The following ZSWIM5 variants were observed in gnomAD, a reference collection of about 807,000 sequenced individuals.
ZSWIM5 encodes zinc finger SWIM-type containing 5.
ZSWIM5 carries 55 observed loss-of-function variants against 119.6 expected under a neutral mutation model. The observed-to-expected ratio is 0.46, with a 90% confidence interval of 0.37 to 0.58. The LOEUF (loss-of-function observed/expected upper bound fraction) is 0.58. ZSWIM5 is among the 20% of genes least tolerant of loss of function. ZSWIM5 has a pLI of 0.00. For missense variants in ZSWIM5, 1,193 were observed against 1,512.8 expected (o/e 0.79, Z 3.51); for synonymous variants, 537 against 606.9 (o/e 0.88, Z 1.69).
At chr1:45,153,093 T>TAAAAAA (rs76324771) in intron 1 of ZSWIM5, among the ~76,000 whole-genome samples, 11 of 105,838 alleles carry the variant, frequency 1.0e-4, no homozygotes, top group Non-Finnish European at 1.4e-4. Flanking sequence ...ATTAAAAAGT[T>TAAAAAA]AAAAAAAAAA....
intron 1 of ZSWIM5, among the ~76,000 whole-genome samples, chr1:45,121,051 G>A (rs950000543): frequency 1.3e-5 from 2 of 151,934 alleles, no homozygotes; most frequent in African/African-American, 2.4e-5. Context: ...CCGGGTTCAC[G>A]CCATTCTCCT....
chr1:45,082,957 T>C (rs1256301139), intron 2 of ZSWIM5, among the ~76,000 whole-genome samples: 1 of 152,094 alleles, frequency 6.6e-6, no homozygotes, highest in Non-Finnish European at 1.5e-5. Context: ...GGGGAAAAGA[T>C]AGTGGGAATG....
chr1:45,056,358 C>T (rs1048007393), intron 4 of ZSWIM5, among the ~76,000 whole-genome samples: 6 of 151,858 alleles, frequency 4.0e-5, no homozygotes, highest in African/African-American at 1.2e-4. Flanking sequence ...TTTGGGAGGC[C>T]GAGGTGGGTG....
chr1:45,034,348 A>G lies in ZSWIM5; in HGVS notation c.2413T>C (p.Cys805Arg), dbSNP rs1465088451. 6.2e-7 allele frequency: 1 copy of G among 1,613,330 alleles called. No homozygotes were observed. ...FTLGHLESQQ[C>R]ELASTMLTAA... ...GTCAGCATGGTGGAGGCCAGTTCAC[A>G]CTGCTGTGATTCCAAGTGTCCAAGC... Residue 805 changes from cysteine (C) to arginine (R), a missense_variant, in exon 11 of 14, where the codon TGT (cysteine) becomes CGT (arginine). By Grantham distance (180) the Cys-to-Arg change is radical (BLOSUM62 -3). Transcript: ENST00000359600.
At chr1:45,054,135 G>A (rs1279873417) in intron 4 of ZSWIM5, among the ~76,000 whole-genome samples, 2 of 151,992 alleles carry the variant, frequency 1.3e-5, no homozygotes, top group Non-Finnish European at 2.9e-5. Context: ...AGAATTGGCT[G>A]AGTGTGATAG....
At chr1:45,076,804 C>T (rs1052535135) in intron 2 of ZSWIM5, among the ~76,000 whole-genome samples, 2 of 151,650 alleles carry the variant, frequency 1.3e-5, no homozygotes, top group South Asian at 2.1e-4. Context: ...TTCTTTTTTT[C>T]GTCTCCTCTG....
At chr1:45,153,284 G>T (rs995617005) in intron 1 of ZSWIM5, among the ~76,000 whole-genome samples, 1 of 151,792 alleles carries the variant, frequency 6.6e-6, no homozygotes, top group African/African-American at 2.4e-5. Context: ...CACTTTGGGA[G>T]GCCGAGGTGG....
intron 1 of ZSWIM5, among the ~76,000 whole-genome samples, chr1:45,090,678 G>A (rs976247950): frequency 6.6e-6 from 1 of 152,070 alleles, no homozygotes; most frequent in African/African-American, 2.4e-5. Flanking sequence ...AAATAAGCAA[G>A]CTGGGTGTGG....
At chr1:45,034,277 G>C in intron 11 of ZSWIM5, 35 bp downstream of exon 11, 1 of 1,541,406 alleles carries the variant, frequency 6.5e-7, no homozygotes, top group Non-Finnish European at 8.7e-7. Context: ...CAGGCAGACG[G>C]GTGATGCTGG....
At chr1:45,119,843 C>T (rs1645580917) in intron 1 of ZSWIM5, among the ~76,000 whole-genome samples, 1 of 152,338 alleles carries the variant, frequency 6.6e-6, no homozygotes, top group East Asian at 1.9e-4. Flanking sequence ...TCTCATCTTA[C>T]ACCTCCCAGA....
chr1:45,166,455 G>C (rs1645904155), intron 1 of ZSWIM5, among the ~76,000 whole-genome samples: 1 of 152,058 alleles, frequency 6.6e-6, no homozygotes, highest in South Asian at 2.1e-4. Context: ...CATAGTGTTG[G>C]AAGTTCTGGC....
chr1:45,148,225 A>G (rs1645774764), intron 1 of ZSWIM5, among the ~76,000 whole-genome samples: 1 of 152,208 alleles, frequency 6.6e-6, no homozygotes, highest in African/African-American at 2.4e-5. Context: ...GCACAAACCC[A>G]TAAAGCCATC....
intron 1 of ZSWIM5, among the ~76,000 whole-genome samples, chr1:45,167,674 T>C (rs552107303): frequency 6.6e-6 from 1 of 151,960 alleles, no homozygotes; most frequent in Non-Finnish European, 1.5e-5. Flanking sequence ...GGATATGAAC[T>C]GACACTTCTC....
chr1:45,034,696 C>T (rs899677153), intron 10 of ZSWIM5, among the ~76,000 whole-genome samples: 5 of 151,988 alleles, frequency 3.3e-5, no homozygotes, highest in Admixed American at 6.6e-5. Flanking sequence ...TGTGAAAGGC[C>T]GTTCAAGAGC....
chr1:45,103,713 G>A (rs1645453665), intron 1 of ZSWIM5, among the ~76,000 whole-genome samples: 1 of 152,186 alleles, frequency 6.6e-6, no homozygotes, highest in East Asian at 1.9e-4. Context: ...GAATGAAGGT[G>A]GGCTCATGAA....
At position 45,178,718 on chromosome 1, in the gene ZSWIM5, T is replaced by C. The variant is rs568273389; in HGVS notation, c.595+27038A>G. 6.5e-4 allele frequency among the ~76,000 whole-genome samples: 99 copies of C among 152,222 alleles called. 1 individual carries two copies. Among genetic ancestry groups the C allele is most frequent in the Non-Finnish European group, 1.2e-3 (81 of 67,990 alleles). ...AACGTAAATGACTGATTTAATTGTA[T>C]TAGTATTGTGAACAATCATGTGGAA... On this transcript the variant is annotated intron_variant, in intron 1 of 13. Coordinates refer to ENST00000359600, the MANE Select transcript of ZSWIM5 (RefSeq NM_020883.2).
chr1:45,152,994 T>A (rs1645806242), intron 1 of ZSWIM5, among the ~76,000 whole-genome samples: 1 of 143,306 alleles, frequency 7.0e-6, no homozygotes, highest in African/African-American at 2.6e-5. Flanking sequence ...CCAGCAAACA[T>A]GAAAAAATAC....
chr1:45,195,759 G>A (rs1482353025), intron 1 of ZSWIM5, among the ~76,000 whole-genome samples: 1 of 151,866 alleles, frequency 6.6e-6, no homozygotes, highest in South Asian at 2.1e-4. Context: ...AAATAGAAAA[G>A]AAAGTTGACA....
chr1:45,064,320 T>C (rs189599176), intron 2 of ZSWIM5, among the ~76,000 whole-genome samples: 9 of 152,326 alleles, frequency 5.9e-5, no homozygotes, highest in African/African-American at 2.2e-4. Context: ...ATTAGAATTT[T>C]GCATTTCTCA....
Sources: allele counts gnomAD v4.1 joint callset (sites outside exome capture counted in the v4.1 genomes callset), GRCh38; gene constraint gnomAD v4.1.1; transcripts MANE v1.5; gene names NCBI Gene and HGNC (gene_info 2026-07-23, HGNC 2026-07-21).